ARSF: variants seen among roughly 807,000 people sequenced by gnomAD.
ARSF encodes arylsulfatase F.
ARSF carries 33 observed loss-of-function variants against 35.4 expected under a neutral mutation model. That is an observed-to-expected ratio of 0.93 (90% confidence interval 0.71 to 1.25). The LOEUF (loss-of-function observed/expected upper bound fraction) is 1.25, where lower values mean the gene tolerates loss of function less well. Among genes scored for constraint, ARSF ranks in the 50% most tolerant of loss-of-function variants. ARSF has a pLI of 0.00. For missense variants in ARSF, 501 were observed against 480.2 expected (o/e 1.04, Z -0.40); for synonymous variants, 222 against 193.1 (o/e 1.15, Z -1.24).
At chrX:3,087,335 G>A (rs1022082415) in intron 6 of ARSF, among the ~76,000 whole-genome samples, 1 of 111,748 alleles carries the variant, frequency 8.9e-6, no homozygotes, top group African/African-American at 3.3e-5. Context: ...TGCTTCCTCT[G>A]TAGGCTCTAG....
intron 6 of ARSF, among the ~76,000 whole-genome samples, chrX:3,086,799 C>G (rs1246919994): frequency 9.0e-6 from 1 of 111,475 alleles, no homozygotes; most frequent in Non-Finnish European, 1.9e-5. Context: ...GTCTGGGCAA[C>G]AGAGTGAGGC....
chrX:3,090,459 A>C (rs1050878486), intron 7 of ARSF, among the ~76,000 whole-genome samples: 10 of 111,739 alleles, frequency 8.9e-5, no homozygotes, highest in Middle Eastern at 4.6e-3. Context: ...ACTTGAGCCT[A>C]GGAGTTTGAG....
chrX:3,060,685 G>A (rs748719392), intron 1 of ARSF, among the ~76,000 whole-genome samples: 5 of 111,663 alleles, frequency 4.5e-5, no homozygotes, highest in East Asian at 2.8e-4. Context: ...TTCAATAGCC[G>A]ATTCAATCAA....
At chrX:3,101,352 A>C in intron 8 of ARSF, 131 bp downstream of exon 8, 1 of 789,212 alleles carries the variant, frequency 1.3e-6, no homozygotes, top group Non-Finnish European at 1.8e-6. Flanking sequence ...GACTCTTAGT[A>C]AAATGAAGTA....
chrX:3,092,678 C>T, intron 7 of ARSF, among the ~76,000 whole-genome samples: 1 of 112,324 alleles, frequency 8.9e-6, no homozygotes, highest in Non-Finnish European at 1.9e-5. Flanking sequence ...TCCACACAGC[C>T]AGAATCAAGC....
chrX:3,067,162 G>A (rs138706366), intron 1 of ARSF, among the ~76,000 whole-genome samples: 71 of 107,887 alleles, frequency 6.6e-4, no homozygotes, highest in Middle Eastern at 4.8e-3. Flanking sequence ...GTGTGCGTGC[G>A]TGTGTGTCTG....
At chrX:3,100,940 G>C (rs764646496) in intron 7 of ARSF, 147 bp from the exon 8 acceptor site, 1 of 531,318 alleles carries the variant, frequency 1.9e-6, no homozygotes, top group African/African-American at 2.4e-5. Flanking sequence ...AATTTAAACT[G>C]TTAATGCACA....
intron 6 of ARSF, among the ~76,000 whole-genome samples, chrX:3,087,505 GT>G (rs1191075424): frequency 3.6e-5 from 4 of 111,233 alleles, no homozygotes; most frequent in Non-Finnish European, 7.5e-5. Context: ...ATTGGATTTA[GT>G]GCCCATCCTA....
At chrX:3,094,970 T>C (rs1187837807) in intron 7 of ARSF, among the ~76,000 whole-genome samples, 1 of 108,627 alleles carries the variant, frequency 9.2e-6, no homozygotes, top group African/African-American at 3.3e-5. Context: ...ATAATTTCTA[T>C]ATTTATTTAT....
At chrX:3,081,209 G>C (rs904199873) in intron 5 of ARSF, among the ~76,000 whole-genome samples, 196 bp downstream of exon 5, 1 of 112,028 alleles carries the variant, frequency 8.9e-6, no homozygotes, top group African/African-American at 3.2e-5. Context: ...TTTCAGACCA[G>C]CCTGGGCAAC....
intron 5 of ARSF, among the ~76,000 whole-genome samples, chrX:3,081,693 A>G (rs1053224263): frequency 1.8e-5 from 2 of 110,910 alleles, no homozygotes; most frequent in African/African-American, 3.3e-5. Flanking sequence ...TATTACAAGA[A>G]CATAAAATTT....
chrX:3,052,339 A>AT (rs2090000197), intron 1 of ARSF, among the ~76,000 whole-genome samples: 1 of 111,779 alleles, frequency 8.9e-6, no homozygotes, highest in African/African-American at 3.3e-5. Context: ...TACTTCATTT[A>AT]TTTTTTCTGC....
intron 7 of ARSF, among the ~76,000 whole-genome samples, chrX:3,098,905 C>A (rs949061201): frequency 1.8e-5 from 2 of 109,856 alleles, no homozygotes; most frequent in African/African-American, 6.6e-5. Flanking sequence ...TTTTTTCTTG[C>A]TACTTTTCAC....
At chrX:3,067,907 G>A (rs1390470525) in intron 1 of ARSF, among the ~76,000 whole-genome samples, 166 bp from the exon 2 acceptor site, 1 of 109,968 alleles carries the variant, frequency 9.1e-6, no homozygotes, top group African/African-American at 3.3e-5. Flanking sequence ...TTCAGGATTT[G>A]TGCAGTAGTG....
At chrX:3,103,995 G>A in intron 9 of ARSF, 71 bp downstream of exon 9, 17 of 1,108,989 alleles carry the variant, frequency 1.5e-5, no homozygotes, top group Non-Finnish European at 2.1e-5. Context: ...TCAGAACAAG[G>A]AGACTGACTC....
intron 1 of ARSF, among the ~76,000 whole-genome samples, chrX:3,051,600 A>C (rs1225463379): frequency 2.7e-5 from 3 of 111,809 alleles, no homozygotes; most frequent in Non-Finnish European, 5.6e-5. Context: ...CTGTGAGAAG[A>C]TTTTTGCCTT....
intron 1 of ARSF, among the ~76,000 whole-genome samples, chrX:3,064,444 A>T (rs1318408730): frequency 8.9e-6 from 1 of 111,843 alleles, no homozygotes; most frequent in African/African-American, 3.2e-5. Flanking sequence ...AAGCCAAAAT[A>T]GACAAATGGG....
intron 9 of ARSF, among the ~76,000 whole-genome samples, chrX:3,106,525 T>C (rs2090412464): frequency 8.9e-6 from 1 of 111,880 alleles, no homozygotes; most frequent in Non-Finnish European, 1.9e-5. Flanking sequence ...TCCTGTCTGC[T>C]TCAATCCCCA....
In ARSF at chrX:3,112,206, C is replaced by T; in HGVS notation, c.1423C>T (p.Pro475Ser). Residue 475 changes from proline (P) to serine (S), a missense_variant, in exon 11 of 11, where the codon CCG becomes TCG. Coordinates refer to ENST00000381127, the MANE Select transcript of ARSF (RefSeq NM_001201539.2). ...GSVWKAHYVT[P>S]VFQPPASGGC... ...AGTTTGGAAGGCTCACTATGTGACC[C>T]CGGTATTCCAGCCACCAGCTTCTGG... 1 of 1,209,784 alleles carries T rather than the reference C, an allele frequency of 8.3e-7. No individual in the cohort carries two copies. The highest frequency in any genetic ancestry group is 1.7e-5 in the African/African-American group (1 of 57,568).
Sources: gnomAD v4.1 joint callset for allele counts (sites outside exome capture counted in the v4.1 genomes callset) on GRCh38, gnomAD v4.1.1 for gene constraint, MANE v1.5 for transcripts, NCBI Gene and HGNC (gene_info 2026-07-23, HGNC 2026-07-21) for gene names.